Variants in FAM168B observed in about 807,000 individuals in gnomAD.
FAM168B encodes the protein family with sequence similarity 168 member B.
Under a neutral mutation model 21.8 loss-of-function variants are expected in FAM168B, and 19 were observed. That is an observed-to-expected ratio of 0.87 (90% CI 0.61 to 1.28). The LOEUF is 1.28. Among genes scored for constraint, FAM168B ranks in the 50% most tolerant of loss-of-function variants. FAM168B has a pLI of 0.00. For synonymous variants in FAM168B, 126 were observed against 104.8 expected (o/e 1.20, Z -1.24); for missense variants, 233 against 263.1 (o/e 0.89, Z 0.79).
intron 3 of FAM168B, among the ~76,000 whole-genome samples, chr2:131,056,251 C>T (rs1474706987): frequency 6.6e-6 from 1 of 152,182 alleles, no homozygotes; most frequent in Non-Finnish European, 1.5e-5. Flanking sequence ...GAAAGCTGAA[C>T]ACACATACTT....
chr2:131,060,664 GTTAGGGAGGGCTACACTCAAGTCCA>G (rs746602710), intron 3 of FAM168B, among the ~76,000 whole-genome samples: 2 of 152,172 alleles, frequency 1.3e-5, no homozygotes, highest in Non-Finnish European at 1.5e-5. Flanking sequence ...CCTCACTCAT[GTTAGGGAGGGCTACACTCAAGTCCA>G]TTGGACAAGA....
chr2:131,076,364 C>T (rs1573799245), intron 2 of FAM168B, among the ~76,000 whole-genome samples: 1 of 152,198 alleles, frequency 6.6e-6, no homozygotes, highest in South Asian at 2.1e-4. Context: ...ATCATTTCTA[C>T]AAGACTGATC....
At chr2:131,061,437 GA>G (rs1692290464) in intron 3 of FAM168B, among the ~76,000 whole-genome samples, 1 of 151,950 alleles carries the variant, frequency 6.6e-6, no homozygotes. Flanking sequence ...AACAAGCAAG[GA>G]AGTTAGCTGA....
intron 5 of FAM168B, 52 bp downstream of exon 5, chr2:131,055,220 C>T (rs1691944163): frequency 7.0e-7 from 1 of 1,419,922 alleles, no homozygotes; most frequent in Non-Finnish European, 9.2e-7. Context: ...CTCTCCCCTC[C>T]CCCAGCTCTA....
At chr2:131,087,376 G>C (rs1167233719) in intron 1 of FAM168B, among the ~76,000 whole-genome samples, 2 of 152,078 alleles carry the variant, frequency 1.3e-5, no homozygotes, top group Non-Finnish European at 2.9e-5. Context: ...GGAGGCTGAC[G>C]CAGGAGAATC....
chr2:131,093,130 C>T (rs1443397221), intron 1 of FAM168B, 84 bp downstream of exon 1: 1 of 150,500 alleles, frequency 6.6e-6, no homozygotes, highest in African/African-American at 2.4e-5. Context: ...CGCGGGCCGA[C>T]CTTGGCGCCG....
chr2:131,073,823 G>T (rs1394411755), intron 2 of FAM168B, among the ~76,000 whole-genome samples: 2 of 152,216 alleles, frequency 1.3e-5, no homozygotes, highest in Non-Finnish European at 2.9e-5. Flanking sequence ...GCTCTAACTG[G>T]GAATGCATAC....
rs1210162382 is a variant in FAM168B at position 131,049,331 on chromosome 2, A to G, written c.*3134T>C. On this transcript the variant is annotated 3_prime_UTR_variant, in exon 7 of 7. Transcript: ENST00000389915. Reference sequence around the variant, plus strand: ...CACCCCAAGGCTCAGGACCACCCCCATTGCCTGTGAACACATTTGCATAGC... The same window carrying G: ...CACCCCAAGGCTCAGGACCACCCCCGTTGCCTGTGAACACATTTGCATAGC... 1 of 985,276 alleles carries G rather than the reference A, an allele frequency of 1.0e-6. No homozygotes were observed. The highest frequency in any genetic ancestry group is 1.1e-4 in the East Asian group (1 of 8,806). The allele number at this position is 985,276 out of a possible 1,614,324, so 61.0% of individuals were successfully genotyped here.
intron 1 of FAM168B, among the ~76,000 whole-genome samples, chr2:131,092,814 T>A (rs7575891): frequency 0.26 from 39,868 of 151,642 alleles, 8,433 homozygotes; most frequent in African/African-American, 0.59. Flanking sequence ...AGCAAAAAAA[T>A]AAAAATAAAA....
chr2:131,085,514 T>G (rs1361917321), intron 1 of FAM168B, among the ~76,000 whole-genome samples: 1 of 152,282 alleles, frequency 6.6e-6, no homozygotes, highest in East Asian at 1.9e-4. Flanking sequence ...CAAAATCCAT[T>G]ACGAAGACAA....
intron 1 of FAM168B, among the ~76,000 whole-genome samples, chr2:131,084,679 G>C (rs1447858691): frequency 6.6e-6 from 1 of 152,094 alleles, no homozygotes; most frequent in African/African-American, 2.4e-5. Flanking sequence ...CCCAACAGAA[G>C]TACTGTTGGG....
At chr2:131,089,785 G>A (rs1693913124) in intron 1 of FAM168B, among the ~76,000 whole-genome samples, 1 of 151,766 alleles carries the variant, frequency 6.6e-6, no homozygotes, top group African/African-American at 2.4e-5. Flanking sequence ...TGTAATCCCA[G>A]CACTTTGGGA....
Position 131,050,750 on chromosome 2 carries a change from T to C in FAM168B, c.*1715A>G, listed in dbSNP as rs1175703245. On this transcript the variant is annotated 3_prime_UTR_variant, in exon 7 of 7. Coordinates refer to ENST00000389915, the MANE Select transcript of FAM168B (RefSeq NM_001009993.4). ...CCACCAACCAACTGGGGCAGAATGC[T>C]AGTGGGCATCCTCACTGGGCGCCAG... is the stretch of plus-strand genomic sequence containing the variant. 8 of 985,316 alleles carry C rather than the reference T, an allele frequency of 8.1e-6. No homozygotes were observed. The highest frequency in any genetic ancestry group is 9.6e-6 in the Non-Finnish European group (8 of 829,946). 61.0% of individuals were successfully genotyped at this position (985,316 alleles called of 1,614,324 possible). A position where few individuals can be genotyped will look rare whatever the true frequency, so the allele number is the denominator to read the frequency against.
intron 1 of FAM168B, among the ~76,000 whole-genome samples, chr2:131,091,625 C>T (rs565776954): frequency 2.0e-5 from 3 of 148,422 alleles, no homozygotes; most frequent in Non-Finnish European, 3.0e-5. Context: ...CCAGCCTGGG[C>T]GACAGAGCGA....
intron 3 of FAM168B, among the ~76,000 whole-genome samples, chr2:131,070,174 T>C (rs991287502): frequency 4.6e-5 from 7 of 152,160 alleles, no homozygotes; most frequent in African/African-American, 1.4e-4. Flanking sequence ...TTAAAACCCC[T>C]GCTCTTTAAA....
chr2:131,089,704 C>G (rs112086194), intron 1 of FAM168B, among the ~76,000 whole-genome samples: 2 of 133,776 alleles, frequency 1.5e-5, no homozygotes, highest in Non-Finnish European at 3.1e-5. Flanking sequence ...GGCAACAGAG[C>G]GAGACTCCAT....
chr2:131,078,364 GTA>G (rs1357430526), intron 2 of FAM168B, among the ~76,000 whole-genome samples: 1 of 152,162 alleles, frequency 6.6e-6, no homozygotes, highest in Non-Finnish European at 1.5e-5. Flanking sequence ...AAGCAGATCA[GTA>G]TAAACTATCT....
Position 131,071,889 on chromosome 2 carries a change from G to T in FAM168B, c.120C>A (p.Asn40Lys). The T allele has an allele frequency of 6.2e-7, 1 of 1,614,072 alleles. No homozygotes were observed. The highest frequency in any genetic ancestry group is 1.1e-5 in the South Asian group (1 of 91,082). ...YAAAAPAYSP[N>K]MYPGANPTFQ... The stretch of plus-strand genomic sequence containing the variant: ...AGGTAGGATTCGCTCCAGGATACAT[G>T]TTAGGAGAATAGGCAGGAGCTGCTG... The change falls in exon 3 of 7, where the codon AAC becomes AAA. Residue 40 changes from asparagine to lysine, a missense_variant. Asn to Lys is a moderately conservative substitution (Grantham distance 94, BLOSUM62 0). Coordinates refer to ENST00000389915, the MANE Select transcript of FAM168B (RefSeq NM_001009993.4).
Position 131,048,406 on chromosome 2 carries a change from C to CGG in FAM168B, c.*4057_*4058dup, listed in dbSNP as rs373570946. On this transcript the variant is annotated 3_prime_UTR_variant, in exon 7 of 7. Transcript: ENST00000389915. ...GGAGCACACCACCCTTCTGCAGGCC[C>CGG]GGGGGGGGGTCCCTACACAGACGCC... 35 of 1,231,630 alleles carry CGG rather than the reference C, an allele frequency of 2.8e-5. No individual in the cohort carries two copies. Among genetic ancestry groups the CGG allele is most frequent in the Middle Eastern group, 6.2e-4 (2 of 3,208 alleles). 76.3% of individuals were successfully genotyped at this position (1,231,630 alleles called of 1,614,324 possible).
Sources: allele counts gnomAD v4.1 joint callset (sites outside exome capture counted in the v4.1 genomes callset), GRCh38; gene constraint gnomAD v4.1.1; transcripts MANE v1.5; gene names NCBI Gene and HGNC (gene_info 2026-07-23, HGNC 2026-07-21).